The following KCNN2 variants were observed in gnomAD, a reference collection of about 807,000 sequenced individuals.
The protein encoded by KCNN2 is potassium calcium-activated channel subfamily N member 2, also known as small conductance calcium-activated potassium channel protein 2.
In KCNN2, 24 loss-of-function variants were observed where a neutral mutation model predicts 55.5. The observed-to-expected ratio is 0.43, with a 90% CI of 0.31 to 0.61. KCNN2 has a LOEUF of 0.61. Ranked by LOEUF, KCNN2 falls within the 20% of genes least tolerant of loss-of-function variation. KCNN2 has a pLI of 0.08. For synonymous variants in KCNN2, 431 were observed against 336.1 expected (o/e 1.28, Z -3.09); for missense variants, 754 against 853.6 (o/e 0.88, Z 1.45).
chr5:114,217,854 G>A (rs1754038314), intron 1 of KCNN2, among the ~76,000 whole-genome samples: 1 of 152,078 alleles, frequency 6.6e-6, no homozygotes, highest in South Asian at 2.1e-4. Flanking sequence ...AGACACATCT[G>A]ATAAAGGCCT....
At chr5:114,281,625 CTGTGTG>C (rs10579037) in intron 2 of KCNN2, among the ~76,000 whole-genome samples, 3 of 145,390 alleles carry the variant, frequency 2.1e-5, no homozygotes, top group Admixed American at 6.9e-5. Context: ...CCCTCCATCT[CTGTGTG>C]TGTGTGTGTG....
Position 114,299,548 on chromosome 5 carries a change from G to C in KCNN2, c.-184-61397G>C, listed in dbSNP as rs961112216. Among the ~76,000 whole-genome samples the C allele has an allele frequency of 2.0e-5, 3 of 152,018 alleles. No homozygotes were observed. In the South Asian group the frequency reaches 6.2e-4, roughly 32 times the overall value. On this transcript the variant is annotated intron_variant, in intron 2 of 10. Coordinates refer to the KCNN2 transcript ENST00000512097. ...TTCCTTGGGATTCAGTTTCTTTCTG[G>C]GGGGATAGGTACTAATGTATACTGC...
intron 5 of KCNN2, among the ~76,000 whole-genome samples, chr5:114,485,427 G>A (rs1212036050): frequency 6.6e-6 from 1 of 152,116 alleles, no homozygotes; most frequent in African/African-American, 2.4e-5. Flanking sequence ...CTCCTTAAAA[G>A]CAAGGTCCTC....
chr5:114,119,554 C>T (rs887088669), intron 1 of KCNN2, among the ~76,000 whole-genome samples: 2 of 152,062 alleles, frequency 1.3e-5, no homozygotes, highest in Non-Finnish European at 2.9e-5. Context: ...ATATCGCAGG[C>T]CCCTTCTATT....
intron 1 of KCNN2, among the ~76,000 whole-genome samples, chr5:114,181,519 T>C (rs1258516959): frequency 6.6e-6 from 1 of 152,202 alleles, no homozygotes; most frequent in Non-Finnish European, 1.5e-5. Flanking sequence ...TAATTTCTCC[T>C]TGTATTGAAT....
chr5:114,484,405 G>C (rs1212420716), intron 5 of KCNN2, among the ~76,000 whole-genome samples: 2 of 152,082 alleles, frequency 1.3e-5, no homozygotes, highest in African/African-American at 4.8e-5. Context: ...TAAAAGCCCA[G>C]GCTTCATTAC....
intron 3 of KCNN2, among the ~76,000 whole-genome samples, chr5:114,451,537 C>G (rs1238072741): frequency 6.6e-6 from 1 of 151,860 alleles, no homozygotes; most frequent in East Asian, 1.9e-4. Flanking sequence ...ATTAAAGGAG[C>G]AAAAGAAAAT....
At chr5:114,263,805 C>T (rs1755157833) in intron 2 of KCNN2, among the ~76,000 whole-genome samples, 1 of 152,198 alleles carries the variant, frequency 6.6e-6, no homozygotes, top group African/African-American at 2.4e-5. Context: ...TATTCACTCA[C>T]CCCTGCCTCT....
intron 1 of KCNN2, among the ~76,000 whole-genome samples, chr5:114,056,718 G>C (rs140233829): frequency 2.4e-4 from 36 of 152,120 alleles, no homozygotes; most frequent in Non-Finnish European, 4.9e-4. Flanking sequence ...TTCTGCACTA[G>C]AGGCCATGTC....
At position 114,363,061 on chromosome 5, in the gene KCNN2, GGTGGCGGGAGCGGGCACGGCAGCAGCA is replaced by G. The variant is rs752294115; in HGVS notation, c.928_954del (p.Gly310_Gly318del). On this transcript the variant is annotated inframe_deletion, in exon 1 of 8. Transcript: ENST00000673685. ...AGGCAGCACTGGAGGAGGCGGCGGC[GGTGGCGGGAGCGGGCACGGCAGCAGCA>G]GTGGCACCAAGTCCAGCAAAAAGAA... The G allele has an allele frequency of 1.9e-6, 3 of 1,608,930 alleles. No homozygotes were observed. The highest frequency in any genetic ancestry group is 1.7e-5 in the Admixed American group (1 of 59,734).
chr5:114,281,625 C>G (rs1379555667), intron 2 of KCNN2, among the ~76,000 whole-genome samples: 2 of 145,394 alleles, frequency 1.4e-5, no homozygotes, highest in Non-Finnish European at 3.0e-5. Context: ...CCCTCCATCT[C>G]TGTGTGTGTG....
intron 2 of KCNN2, among the ~76,000 whole-genome samples, chr5:114,278,894 C>T (rs1448216595): frequency 1.3e-5 from 2 of 152,098 alleles, no homozygotes; most frequent in Non-Finnish European, 2.9e-5. Flanking sequence ...CAACCAGACT[C>T]AATGAGATGA....
chr5:114,264,638 A>G (rs1236424692), intron 2 of KCNN2, among the ~76,000 whole-genome samples: 2 of 152,148 alleles, frequency 1.3e-5, no homozygotes, highest in East Asian at 3.9e-4. Context: ...TTAAAACATT[A>G]AAGATTTTAA....
intron 3 of KCNN2, among the ~76,000 whole-genome samples, chr5:114,426,792 C>G (rs997395172): frequency 1.3e-5 from 2 of 152,080 alleles, no homozygotes; most frequent in Non-Finnish European, 2.9e-5. Flanking sequence ...AAGAATCACC[C>G]GGACTGCTCA....
intron 2 of KCNN2, among the ~76,000 whole-genome samples, chr5:114,262,371 G>C (rs1016954414): frequency 2.0e-5 from 3 of 152,008 alleles, no homozygotes; most frequent in African/African-American, 7.3e-5. Context: ...TTAATGTTTT[G>C]GTTCATTAAA....
intron 1 of KCNN2, among the ~76,000 whole-genome samples, chr5:114,190,627 T>G (rs946615349): frequency 2.0e-5 from 3 of 152,152 alleles, no homozygotes; most frequent in African/African-American, 7.2e-5. Context: ...ATCTACAATA[T>G]ATGGTATCTA....
At chr5:114,448,430 C>A (rs146322647) in intron 3 of KCNN2, among the ~76,000 whole-genome samples, 1 of 152,142 alleles carries the variant, frequency 6.6e-6, no homozygotes, top group African/African-American at 2.4e-5. Flanking sequence ...TAATTCAGTT[C>A]CTGACATTTT....
intron 2 of KCNN2, among the ~76,000 whole-genome samples, chr5:114,327,009 G>C (rs1756726779): frequency 6.6e-6 from 1 of 152,182 alleles, no homozygotes. Context: ...CAGATTAAAG[G>C]TGCTGTGAAC....
intron 2 of KCNN2, among the ~76,000 whole-genome samples, chr5:114,250,643 C>T (rs1183450230): frequency 6.6e-6 from 1 of 152,028 alleles, no homozygotes; most frequent in Non-Finnish European, 1.5e-5. Context: ...GTAATTGGGT[C>T]CTATAAGTGA....
Sources: allele counts gnomAD v4.1 joint callset (sites outside exome capture counted in the v4.1 genomes callset), GRCh38; gene constraint gnomAD v4.1.1; transcripts MANE v1.5; gene names NCBI Gene and HGNC (gene_info 2026-07-23, HGNC 2026-07-21).